VPS13A: variants seen among roughly 807,000 people sequenced by gnomAD.
VPS13A encodes the protein vacuolar protein sorting 13 homolog A.
In VPS13A, 264 loss-of-function variants were observed where a neutral mutation model predicts 390.9. That is an observed-to-expected ratio of 0.68 (90% CI 0.61 to 0.75). The LOEUF is 0.75. Among genes scored for constraint, VPS13A ranks in the 30% least tolerant of loss-of-function variants. VPS13A has a pLI of 0.00. For synonymous variants in VPS13A, 1,231 were observed against 1,227.1 expected, an observed-to-expected ratio of 1.00 and a Z score of -0.07; for missense variants, 3,409 against 3,733.9, an observed-to-expected ratio of 0.91 and a Z score of 2.27.
At chr9:77,300,117 T>A (rs984147658) in intron 33 of VPS13A, among the ~76,000 whole-genome samples, 1 of 152,220 alleles carries the variant, frequency 6.6e-6, no homozygotes, top group Non-Finnish European at 1.5e-5. Context: ...TGTTTTGTGC[T>A]GTAAATAGCT....
chr9:77,256,145 TTTTGGCAGACTTTTGCTGCATCCTATGAA>T (rs1234011987), intron 22 of VPS13A, among the ~76,000 whole-genome samples: 1 of 152,074 alleles, frequency 6.6e-6, no homozygotes, highest in African/African-American at 2.4e-5. Flanking sequence ...TAAAGTCCGC[TTTTGGCAGACTTTTGCTGCATCCTATGAA>T]TTTTGGTATG....
chr9:77,257,217 A>G (rs777799989), intron 22 of VPS13A, among the ~76,000 whole-genome samples: 1 of 152,004 alleles, frequency 6.6e-6, no homozygotes, highest in Non-Finnish European at 1.5e-5. Flanking sequence ...TCCTCAAGTT[A>G]TAACAGTCTA....
In VPS13A at chr9:77,416,845, A is replaced by C. The variant is rs1835184283; in HGVS notation, c.*839A>C. ...TACTTTCCATTCACTGTTAACATGG[A>C]ATAAACACAATTCCCAACATCTTAG... On this transcript the variant is annotated 3_prime_UTR_variant, in exon 72 of 72. Transcript: ENST00000360280. 2.0e-5 allele frequency: 3 copies of C among 152,628 alleles called. No homozygotes were observed. In the South Asian group the frequency reaches 6.2e-4, roughly 32 times the overall value. 9.5% of individuals were successfully genotyped at this position (152,628 alleles called of 1,614,324 possible).
chr9:77,388,535 A>G (rs533184059), intron 68 of VPS13A, among the ~76,000 whole-genome samples: 1 of 135,264 alleles, frequency 7.4e-6, no homozygotes, highest in South Asian at 2.7e-4. Flanking sequence ...CAATTTTAAA[A>G]CACACGTTTA....
intron 9 of VPS13A, among the ~76,000 whole-genome samples, chr9:77,214,025 C>T: frequency 6.6e-6 from 1 of 151,882 alleles, no homozygotes; most frequent in Non-Finnish European, 1.5e-5. Context: ...CCTGTAATCC[C>T]AGCACTTTGG....
chr9:77,204,551 C>T (rs1310052926), intron 3 of VPS13A, among the ~76,000 whole-genome samples: 1 of 151,952 alleles, frequency 6.6e-6, no homozygotes, highest in Non-Finnish European at 1.5e-5. Context: ...AATTACTATA[C>T]ATACATACAT....
At chr9:77,364,296 GT>G (rs1224030922) in intron 59 of VPS13A, among the ~76,000 whole-genome samples, 1 of 152,016 alleles carries the variant, frequency 6.6e-6, no homozygotes, top group Non-Finnish European at 1.5e-5. Context: ...GTGTTGGCAG[GT>G]GCCTGTAATC....
chr9:77,242,157 A>T (rs1014763238), intron 19 of VPS13A, among the ~76,000 whole-genome samples: 1 of 151,980 alleles, frequency 6.6e-6, no homozygotes, highest in Non-Finnish European at 1.5e-5. Flanking sequence ...TGGCTATAAA[A>T]CCTGGCATGA....
intron 1 of VPS13A, among the ~76,000 whole-genome samples, chr9:77,186,327 A>G (rs1163694973): frequency 6.6e-6 from 1 of 152,246 alleles, no homozygotes; most frequent in African/African-American, 2.4e-5. Context: ...ATTTAAGAAT[A>G]AGGAAGAAAA....
chr9:77,405,835 G>T, intron 69 of VPS13A, 29 bp from the exon 70 acceptor site: 1 of 1,610,898 alleles, frequency 6.2e-7, no homozygotes. Flanking sequence ...ATTTTAAAGC[G>T]AATTCTTTTT....
chr9:77,264,784 T>G (rs1191593465), intron 23 of VPS13A, among the ~76,000 whole-genome samples: 3 of 152,198 alleles, frequency 2.0e-5, no homozygotes, highest in Non-Finnish European at 2.9e-5. Context: ...TGAATACCCT[T>G]TATTTCTTTC....
chr9:77,232,141 A>C (rs113794838), intron 17 of VPS13A, among the ~76,000 whole-genome samples: 35 of 152,246 alleles, frequency 2.3e-4, no homozygotes, highest in African/African-American at 8.2e-4. Flanking sequence ...TCATTATACC[A>C]ATATCGTACT....
intron 68 of VPS13A, among the ~76,000 whole-genome samples, chr9:77,390,539 T>C (rs911203787): frequency 2.0e-5 from 3 of 152,124 alleles, no homozygotes; most frequent in African/African-American, 4.8e-5. Flanking sequence ...TGAAATAAAT[T>C]ATGTCTTCCT....
rs1475350861 is a variant in VPS13A, at chr9:77,420,338, A to G, written c.*4332A>G. On this transcript the variant is annotated 3_prime_UTR_variant, in exon 72 of 72. Transcript: ENST00000360280. The stretch of plus-strand genomic sequence containing the variant: ...AGAAGATGCAGAATCCTACTCTATT[A>G]CAAACCTCACTCATGTTTCTTTTAT... The G allele has an allele frequency of 6.6e-6, 1 of 152,204 alleles. No homozygotes were observed. Among genetic ancestry groups the G allele is most frequent in the Non-Finnish European group, 1.5e-5 (1 of 68,022 alleles). The allele number at this position is 152,204 out of a possible 1,614,324, so 9.4% of individuals were successfully genotyped here. A position where few individuals can be genotyped will look rare whatever the true frequency, so the allele number is the denominator to read the frequency against.
intron 31 of VPS13A, among the ~76,000 whole-genome samples, chr9:77,289,748 ATTG>A (rs1554881938): frequency 6.8e-6 from 1 of 146,636 alleles, no homozygotes; most frequent in Non-Finnish European, 1.5e-5. Flanking sequence ...GTTTCTGTCT[ATTG>A]TTTGTATTTC....
At chr9:77,198,362 C>T (rs1426961791) in intron 1 of VPS13A, among the ~76,000 whole-genome samples, 1 of 152,124 alleles carries the variant, frequency 6.6e-6, no homozygotes, top group Non-Finnish European at 1.5e-5. Flanking sequence ...CTGCTCCAGT[C>T]CTTTAATAAG....
chr9:77,400,751 C>A (rs1488135619), intron 68 of VPS13A, among the ~76,000 whole-genome samples: 1 of 150,856 alleles, frequency 6.6e-6, no homozygotes, highest in East Asian at 1.9e-4. Flanking sequence ...TGGCATGAAC[C>A]CAGGAGGCAG....
intron 27 of VPS13A, 118 bp from the exon 28 acceptor site, chr9:77,281,749 A>G: frequency 1.7e-6 from 1 of 574,138 alleles, no homozygotes; most frequent in Non-Finnish European, 3.1e-6. Context: ...GTATATATAT[A>G]TATATATATG....
At chr9:77,263,302 T>G (rs1297162849) in intron 23 of VPS13A, among the ~76,000 whole-genome samples, 1 of 151,872 alleles carries the variant, frequency 6.6e-6, no homozygotes, top group Non-Finnish European at 1.5e-5. Flanking sequence ...AGAGATGGGG[T>G]TTCACCATTT....
Sources: allele counts gnomAD v4.1 joint callset (sites outside exome capture counted in the v4.1 genomes callset), GRCh38; gene constraint gnomAD v4.1.1; transcripts MANE v1.5; gene names NCBI Gene and HGNC (gene_info 2026-07-23, HGNC 2026-07-21).